Variants in SLIT2 observed in about 807,000 individuals in gnomAD.
The protein encoded by SLIT2 is slit guidance ligand 2, also known as slit homolog 2 protein.
A neutral mutation model predicts 185.7 loss-of-function variants in SLIT2; 41 were observed. The observed-to-expected ratio is 0.22, with a 90% CI of 0.17 to 0.29. The LOEUF is 0.29. Among genes scored for constraint, SLIT2 ranks in the 10% least tolerant of loss-of-function variants. SLIT2 has a pLI of 1.00. For synonymous variants in SLIT2, 693 were observed against 680.2 expected, an observed-to-expected ratio of 1.02 and a Z score of -0.29; for missense variants, 1,571 against 1,909.0, an observed-to-expected ratio of 0.82 and a Z score of 3.30.
chr4:20,301,618 A>G (rs1434095574), intron 4 of SLIT2, among the ~76,000 whole-genome samples: 1 of 152,186 alleles, frequency 6.6e-6, no homozygotes, highest in Non-Finnish European at 1.5e-5. Context: ...AAGGAAGAAA[A>G]TGCTATTGAA....
intron 10 of SLIT2, 101 bp from the exon 11 acceptor site, chr4:20,510,965 A>G: frequency 1.4e-6 from 1 of 696,722 alleles, no homozygotes; most frequent in Non-Finnish European, 2.6e-6. Flanking sequence ...ACATGTCTTG[A>G]TAAGTACAAA....
chr4:20,395,969 G>A (rs554116729), intron 4 of SLIT2, among the ~76,000 whole-genome samples: 1 of 151,760 alleles, frequency 6.6e-6, no homozygotes, highest in African/African-American at 2.4e-5. Context: ...AAGTAAAATA[G>A]TATTTTTAAA....
chr4:20,292,420 G>A (rs1716044683), intron 4 of SLIT2, among the ~76,000 whole-genome samples: 1 of 152,168 alleles, frequency 6.6e-6, no homozygotes, highest in Non-Finnish European at 1.5e-5. Context: ...TTGGGAGGCT[G>A]AGGTGAGAGG....
chr4:20,337,589 A>G (rs1003845345), intron 4 of SLIT2, among the ~76,000 whole-genome samples: 3 of 152,224 alleles, frequency 2.0e-5, no homozygotes, highest in African/African-American at 7.2e-5. Context: ...TGAACTAGGT[A>G]GATAATTATA....
At chr4:20,410,220 G>T (rs191776931) in intron 4 of SLIT2, among the ~76,000 whole-genome samples, 1,613 of 128,132 alleles carry the variant, frequency 0.013, 23 homozygotes, top group East Asian at 0.091. Context: ...TTAAGTCTTG[G>T]TTTTTTTTCT....
At chr4:20,264,865 G>A (rs1712865380) in intron 3 of SLIT2, among the ~76,000 whole-genome samples, 2 of 151,910 alleles carry the variant, frequency 1.3e-5, no homozygotes, top group African/African-American at 2.4e-5. Context: ...GAATTATCAA[G>A]CATTTCTGGG....
chr4:20,473,131 T>C lies in SLIT2; in HGVS notation c.467+5308T>C, dbSNP rs1715742933. Among the ~76,000 whole-genome samples, 2 of 144,166 alleles carry C rather than the reference T, an allele frequency of 1.4e-5. 1 individual carries two copies. Among genetic ancestry groups the C allele is most frequent in the African/African-American group, 5.2e-5 (2 of 38,246 alleles). The allele number at this position is 144,166 out of a possible 152,430, so 94.6% of individuals were successfully genotyped here. A position where few individuals can be genotyped will look rare whatever the true frequency, so the allele number is the denominator to read the frequency against. The stretch of plus-strand genomic sequence containing the variant: ...CACACCTGCTTTCTGCTGCTTTAAT[T>C]TTGCAATACATCCACAAAGTGCATC... On this transcript the variant is annotated intron_variant, in intron 5 of 36. Transcript: ENST00000504154.
chr4:20,566,805 G>A (rs575798910), intron 26 of SLIT2, among the ~76,000 whole-genome samples: 1 of 152,082 alleles, frequency 6.6e-6, no homozygotes, highest in South Asian at 2.1e-4. Flanking sequence ...GCATTGTATT[G>A]TGTATTTAAT....
chr4:20,423,438 T>A, intron 4 of SLIT2, among the ~76,000 whole-genome samples: 1 of 152,102 alleles, frequency 6.6e-6, no homozygotes. Flanking sequence ...TTATAAATTA[T>A]AATTTATAAT....
At chr4:20,472,502 C>CGA (rs1560454562) in intron 5 of SLIT2, among the ~76,000 whole-genome samples, 1 of 10,278 alleles carries the variant, frequency 9.7e-5, no homozygotes, top group Non-Finnish European at 1.4e-4. Context: ...AGATATATAT[C>CGA]TATATATAGA....
In SLIT2 at chr4:20,451,869, A is replaced by G. The variant is rs566123591; in HGVS notation, c.396-15883A>G. 5.9e-5 allele frequency among the ~76,000 whole-genome samples: 9 copies of G among 152,340 alleles called. No individual in the cohort carries two copies. In the South Asian group the frequency reaches 1.9e-3, roughly 32 times the overall value. On this transcript the variant is annotated intron_variant, in intron 4 of 36. Transcript: ENST00000504154. ...GGTGCTGGAATGCAGTTCTCCACCA[A>G]TTTATATTGTGAAGTGCTATGACAT...
At chr4:20,495,762 G>A (rs1364172416) in intron 9 of SLIT2, among the ~76,000 whole-genome samples, 1 of 152,104 alleles carries the variant, frequency 6.6e-6, no homozygotes, top group African/African-American at 2.4e-5. Flanking sequence ...TTTATCAGTA[G>A]AGCATCTGGT....
At chr4:20,455,733 T>G (rs1712998081) in intron 4 of SLIT2, among the ~76,000 whole-genome samples, 1 of 152,092 alleles carries the variant, frequency 6.6e-6, no homozygotes. Flanking sequence ...GTTGCACAAC[T>G]GCATAAATAA....
chr4:20,275,067 G>A (rs893860411), intron 4 of SLIT2, among the ~76,000 whole-genome samples: 3 of 152,034 alleles, frequency 2.0e-5, no homozygotes, highest in African/African-American at 7.2e-5. Context: ...ATATTTTAAA[G>A]TTTTTAAATA....
chr4:20,357,378 T>C (rs1722409310), intron 4 of SLIT2, among the ~76,000 whole-genome samples: 1 of 152,168 alleles, frequency 6.6e-6, no homozygotes, highest in Non-Finnish European at 1.5e-5. Flanking sequence ...ATAGTATCAA[T>C]ACAGTTGATT....
intron 4 of SLIT2, among the ~76,000 whole-genome samples, chr4:20,433,900 C>T (rs180726856): frequency 6.0e-4 from 92 of 152,082 alleles, no homozygotes; most frequent in Admixed American, 4.2e-3. Context: ...TAATTCTGAC[C>T]CCCCCAAATC....
intron 4 of SLIT2, among the ~76,000 whole-genome samples, chr4:20,435,156 A>G (rs1162514951): frequency 6.6e-6 from 1 of 152,170 alleles, no homozygotes; most frequent in African/African-American, 2.4e-5. Context: ...TCATTCATTC[A>G]CTTTTTCACT....
chr4:20,477,536 T>C (rs1177021072), intron 5 of SLIT2, among the ~76,000 whole-genome samples: 2 of 152,036 alleles, frequency 1.3e-5, no homozygotes, highest in African/African-American at 4.8e-5. Flanking sequence ...ATCATTTCCG[T>C]GAGATTAAAG....
intron 4 of SLIT2, among the ~76,000 whole-genome samples, chr4:20,431,093 ATGTT>A (rs1188133020): frequency 6.6e-6 from 1 of 152,226 alleles, no homozygotes; most frequent in Admixed American, 6.5e-5. Context: ...CACTTTCCTC[ATGTT>A]TGTAATATTT....
Sources: allele counts gnomAD v4.1 joint callset (sites outside exome capture counted in the v4.1 genomes callset), GRCh38; gene constraint gnomAD v4.1.1; transcripts MANE v1.5; gene names NCBI Gene and HGNC (gene_info 2026-07-23, HGNC 2026-07-21).